PTPN2: variants seen among roughly 807,000 people sequenced by gnomAD.
PTPN2 encodes the protein protein tyrosine phosphatase non-receptor type 2.
A neutral mutation model predicts 57.3 loss-of-function variants in PTPN2; 19 were observed. The observed-to-expected ratio is 0.33, with a 90% CI of 0.23 to 0.49. The LOEUF (loss-of-function observed/expected upper bound fraction) is 0.49, where lower values mean the gene tolerates loss of function less well. Among genes scored for constraint, PTPN2 ranks in the 20% least tolerant of loss-of-function variants. The probability of loss-of-function intolerance (pLI) is 0.99; values close to 1 mark genes in which losing one functional copy is unlikely to be tolerated. For synonymous variants in PTPN2, 153 were observed against 164.9 expected (o/e 0.93, Z 0.55); for missense variants, 358 against 501.1 (o/e 0.71, Z 2.73).
In PTPN2 at chr18:12,825,203, CAT is replaced by C. The variant is rs144146630; in HGVS notation, c.495+605_495+606del. On this transcript the variant is annotated intron_variant, in intron 5 of 8. Coordinates refer to ENST00000309660, the MANE Select transcript of PTPN2 (RefSeq NM_002828.4). ...TGTATGTATGTATGTGTGCGTGTTA[CAT>C]ATATATATAAAACACCATTTTTTTT... Among the ~76,000 whole-genome samples the C allele has an allele frequency of 5.0e-3, 758 of 152,220 alleles. 15 individuals are homozygous for C. In the East Asian group the frequency reaches 0.056, roughly 11 times the overall value.
chr18:12,808,797 A>G (rs1177250851), intron 7 of PTPN2, among the ~76,000 whole-genome samples: 4 of 152,244 alleles, frequency 2.6e-5, no homozygotes, highest in Non-Finnish European at 5.9e-5. Context: ...ACCAACCAAC[A>G]GACAAAAAAA....
At chr18:12,796,293 T>G (rs918902732) in intron 8 of PTPN2, among the ~76,000 whole-genome samples, 1 of 152,182 alleles carries the variant, frequency 6.6e-6, no homozygotes, top group African/African-American at 2.4e-5. Flanking sequence ...GTTCTAAAAT[T>G]AGATCGTGGT....
At chr18:12,858,000 T>C (rs1043431452) in intron 2 of PTPN2, among the ~76,000 whole-genome samples, 15 of 152,240 alleles carry the variant, frequency 9.9e-5, no homozygotes, top group African/African-American at 2.9e-4. Context: ...AAACATTCTA[T>C]TCATGTAAGA....
chr18:12,857,255 G>C (rs904146801), intron 2 of PTPN2, among the ~76,000 whole-genome samples: 1 of 152,048 alleles, frequency 6.6e-6, no homozygotes, highest in Non-Finnish European at 1.5e-5. Context: ...CCCTGTGATG[G>C]GAATGCTCCA....
intron 2 of PTPN2, among the ~76,000 whole-genome samples, chr18:12,857,184 C>A (rs1411397401): frequency 6.6e-6 from 1 of 151,512 alleles, no homozygotes; most frequent in Non-Finnish European, 1.5e-5. Context: ...AAGGCAACAC[C>A]AGGTTAGGGA....
At chr18:12,871,334 AATTAT>A (rs1287504765) in intron 1 of PTPN2, among the ~76,000 whole-genome samples, 1 of 152,182 alleles carries the variant, frequency 6.6e-6, no homozygotes, top group Non-Finnish European at 1.5e-5. Context: ...TCACCTACAC[AATTAT>A]ATTAATGAAC....
chr18:12,804,289 CAAAA>C (rs59927276), intron 7 of PTPN2, among the ~76,000 whole-genome samples: 8 of 67,866 alleles, frequency 1.2e-4, no homozygotes, highest in Non-Finnish European at 1.5e-4. Flanking sequence ...GAAACTGTCT[CAAAA>C]AAAAAAAAAA....
chr18:12,840,159 C>T (rs2042995994), intron 2 of PTPN2, among the ~76,000 whole-genome samples: 1 of 152,298 alleles, frequency 6.6e-6, no homozygotes, highest in East Asian at 1.9e-4. Flanking sequence ...ACAGCGTGAA[C>T]CAGTGACTTT....
At chr18:12,825,532 T>C (rs929125403) in intron 5 of PTPN2, among the ~76,000 whole-genome samples, 20 of 152,166 alleles carry the variant, frequency 1.3e-4, no homozygotes, top group Non-Finnish European at 2.4e-4. Flanking sequence ...GTTTGCCTGA[T>C]TCTAAAGCCC....
chr18:12,836,992 G>GA (rs1343266919), intron 2 of PTPN2, 101 bp from the exon 3 acceptor site: 2 of 727,480 alleles, frequency 2.7e-6, no homozygotes, highest in Non-Finnish European at 4.5e-6. Flanking sequence ...GAAGAAATAA[G>GA]AAAAATGAAT....
intron 4 of PTPN2, among the ~76,000 whole-genome samples, chr18:12,828,947 G>A (rs1049651903): frequency 3.9e-5 from 6 of 152,090 alleles, no homozygotes; most frequent in African/African-American, 4.8e-5. Context: ...CCCCAGGCTG[G>A]AGTGCAGTGG....
chr18:12,806,532 T>A (rs2041657000), intron 7 of PTPN2, among the ~76,000 whole-genome samples: 2 of 152,146 alleles, frequency 1.3e-5, no homozygotes, highest in African/African-American at 4.8e-5. Flanking sequence ...TCACACTACC[T>A]GACCTCAAAA....
chr18:12,840,873 G>A (rs1286077795), intron 2 of PTPN2: 1 of 1,578,538 alleles, frequency 6.3e-7, no homozygotes, highest in Non-Finnish European at 8.6e-7. Context: ...CCCCACTTCT[G>A]TGCCGATGCA....
intron 1 of PTPN2, among the ~76,000 whole-genome samples, chr18:12,878,180 T>C (rs1277764803): frequency 6.7e-6 from 1 of 149,864 alleles, no homozygotes; most frequent in East Asian, 2.0e-4. Flanking sequence ...CTACAAAAAA[T>C]ACAAAAAAAT....
intron 7 of PTPN2, among the ~76,000 whole-genome samples, chr18:12,809,880 G>T (rs1006837530): frequency 6.6e-6 from 1 of 152,278 alleles, no homozygotes; most frequent in African/African-American, 2.4e-5. Context: ...TGTACCAGAG[G>T]TATTAAAAAG....
rs1303533373 is a variant in PTPN2 at position 12,870,269 on chromosome 18, A to ATGTG, written c.70-11016_70-11015insCACA. Among the ~76,000 whole-genome samples, 216 of 94,114 alleles carry ATGTG rather than the reference A, an allele frequency of 2.3e-3. 11 individuals are homozygous for ATGTG. The highest frequency in any genetic ancestry group is 0.012 in the African/African-American group (192 of 16,234). 61.7% of individuals were successfully genotyped at this position (94,114 alleles called of 152,430 possible). A position where few individuals can be genotyped will look rare whatever the true frequency, so the allele number is the denominator to read the frequency against. ...GTACTTAACTTTAGCATATATATAT[A>ATGTG]TATGTATATATATACATATACATAT... On this transcript the variant is annotated intron_variant, in intron 1 of 8. Coordinates refer to ENST00000309660, the MANE Select transcript of PTPN2 (RefSeq NM_002828.4).
chr18:12,877,363 C>G (rs1362347616), intron 1 of PTPN2, among the ~76,000 whole-genome samples: 3 of 152,100 alleles, frequency 2.0e-5, no homozygotes, highest in African/African-American at 7.2e-5. Context: ...TAACTTTGCC[C>G]AAGGAGACTA....
rs1043716519 is a variant in PTPN2, at chr18:12,884,215, A to C, written c.-74T>G. ...CTCAGGCCCCGCACGATCCGGGGAG[A>C]GCGCTGGCGCTGCGGCGCATGCGCG... On this transcript the variant is annotated 5_prime_UTR_variant, in exon 1 of 9. Coordinates refer to ENST00000309660, the MANE Select transcript of PTPN2 (RefSeq NM_002828.4). 7.6e-5 allele frequency: 94 copies of C among 1,232,660 alleles called. No individual in the cohort carries two copies. Among genetic ancestry groups the C allele is most frequent in the Middle Eastern group, 5.2e-4 (2 of 3,830 alleles). The allele number at this position is 1,232,660 out of a possible 1,614,324, so 76.4% of individuals were successfully genotyped here. A position where few individuals can be genotyped will look rare whatever the true frequency, so the allele number is the denominator to read the frequency against.
intron 4 of PTPN2, among the ~76,000 whole-genome samples, chr18:12,830,141 C>T (rs1041640133): frequency 9.2e-5 from 14 of 151,672 alleles, no homozygotes; most frequent in Admixed American, 7.2e-4. Flanking sequence ...CTCACTCTAC[C>T]GCCCAGGCTG....
Sources: gnomAD v4.1 joint callset for allele counts (sites outside exome capture counted in the v4.1 genomes callset) on GRCh38, gnomAD v4.1.1 for gene constraint, MANE v1.5 for transcripts, NCBI Gene and HGNC (gene_info 2026-07-23, HGNC 2026-07-21) for gene names.